Variants in SSUH2 observed in about 807,000 individuals in gnomAD.
The protein encoded by SSUH2 is protein SSUH2 homolog.
SSUH2 carries 47 observed loss-of-function variants against 55.3 expected under a neutral mutation model. The observed-to-expected ratio is 0.85, with a 90% confidence interval of 0.67 to 1.08. SSUH2 has a LOEUF of 1.08. SSUH2 is among the 50% of genes least tolerant of loss of function. The probability of loss-of-function intolerance (pLI) is 0.00; values close to 1 mark genes in which losing one functional copy is unlikely to be tolerated. For synonymous variants in SSUH2, 212 were observed against 191.5 expected (o/e 1.11, Z -0.89); for missense variants, 535 against 490.7 (o/e 1.09, Z -0.85).
At chr3:8,623,436 G>A in intron 11 of SSUH2, 113 bp downstream of exon 11, 4 of 716,254 alleles carry the variant, frequency 5.6e-6, no homozygotes, top group South Asian at 4.7e-5. Flanking sequence ...TCCTCCCCCG[G>A]GACCTCCCTC....
At chr3:8,679,097 T>TC (rs1385213131) in intron 2 of SSUH2, among the ~76,000 whole-genome samples, 6 of 99,028 alleles carry the variant, frequency 6.1e-5, no homozygotes, top group African/African-American at 2.1e-4. Context: ...CAAGCACCTC[T>TC]TTCCCCCCTG....
chr3:8,678,034 T>C (rs62244237), intron 2 of SSUH2, among the ~76,000 whole-genome samples: 58 of 151,984 alleles, frequency 3.8e-4, no homozygotes, highest in Non-Finnish European at 7.9e-4. Flanking sequence ...ATATCGCGTG[T>C]CATATCCTCC....
chr3:8,680,642 A>C (rs748158831), intron 1 of SSUH2, among the ~76,000 whole-genome samples: 5 of 152,028 alleles, frequency 3.3e-5, no homozygotes, highest in Non-Finnish European at 5.9e-5. Context: ...TCTTCCCTCC[A>C]GGATCGTGGG....
chr3:8,647,411 A>G (rs1215473812), upstream of SSUH2, among the ~76,000 whole-genome samples: 2 of 152,224 alleles, frequency 1.3e-5, no homozygotes, highest in Non-Finnish European at 2.9e-5. Flanking sequence ...GATTAAACAA[A>G]GTGGGGTGTG....
Position 8,644,666 on chromosome 3 carries a change from C to G in SSUH2, c.28+65G>C, listed in dbSNP as rs2050616794. 11 of 1,414,054 alleles carry G rather than the reference C, an allele frequency of 7.8e-6. No homozygotes were observed. The South Asian group carries it at 1.2e-4, about 16-fold the overall frequency. The allele number at this position is 1,414,054 out of a possible 1,614,324, so 87.6% of individuals were successfully genotyped here. A position where few individuals can be genotyped will look rare whatever the true frequency, so the allele number is the denominator to read the frequency against. On this transcript the variant is annotated intron_variant, in intron 1 of 11. Coordinates refer to ENST00000544814, the MANE Select transcript of SSUH2 (RefSeq NM_001256748.3). The stretch of plus-strand genomic sequence containing the variant: ...AACATATTAGAGGTCAGATTAGGTC[C>G]TCTTCAAATGCAGGCTAAAATATCT...
chr3:8,666,008 CTTGA>C (rs1170093963), intron 5 of SSUH2, among the ~76,000 whole-genome samples: 1 of 152,148 alleles, frequency 6.6e-6, no homozygotes, highest in Non-Finnish European at 1.5e-5. Context: ...TGAAAGCCCA[CTTGA>C]TTAAGTTGTC....
chr3:8,631,946 A>AG, intron 5 of SSUH2, 103 bp downstream of exon 5: 1 of 891,158 alleles, frequency 1.1e-6, no homozygotes, highest in Non-Finnish European at 1.9e-6. Context: ...CAAGCAGAAG[A>AG]CCATCTTATT....
chr3:8,666,960 C>T (rs968339915), intron 5 of SSUH2, among the ~76,000 whole-genome samples: 8 of 152,204 alleles, frequency 5.3e-5, no homozygotes, highest in East Asian at 3.9e-4. Flanking sequence ...TTGTAGGGTG[C>T]AGAGCTTCCA....
intron 2 of SSUH2, chr3:8,679,589 G>A (rs1559574159): frequency 6.2e-6 from 1 of 161,890 alleles, no homozygotes; most frequent in Non-Finnish European, 1.3e-5. Flanking sequence ...CTGGCTCTTG[G>A]GACCCCCATC....
chr3:8,680,021 G>A (rs1006605574), intron 1 of SSUH2, among the ~76,000 whole-genome samples: 1 of 151,740 alleles, frequency 6.6e-6, no homozygotes, highest in African/African-American at 2.4e-5. Flanking sequence ...ATGAGTTAAG[G>A]GAAAAACTTC....
intron 7 of SSUH2, among the ~76,000 whole-genome samples, chr3:8,652,677 C>A (rs1325666227): frequency 2.0e-5 from 3 of 152,192 alleles, no homozygotes; most frequent in Non-Finnish European, 4.4e-5. Flanking sequence ...CATGTTTTCC[C>A]CTGATATACC....
intron 5 of SSUH2, among the ~76,000 whole-genome samples, chr3:8,667,671 G>C (rs1288925707): frequency 1.3e-5 from 2 of 152,176 alleles, no homozygotes; most frequent in Non-Finnish European, 2.9e-5. Context: ...GATTGATTAA[G>C]CCATTGGCCA....
intron 2 of SSUH2, among the ~76,000 whole-genome samples, chr3:8,678,654 A>AT (rs1256415014): frequency 2.1e-5 from 1 of 48,366 alleles, no homozygotes; most frequent in Non-Finnish European, 4.3e-5. Context: ...CAGTGGGGGG[A>AT]GGCACCCCCC....
chr3:8,636,662 T>C (rs538505132), intron 1 of SSUH2, among the ~76,000 whole-genome samples: 2 of 152,230 alleles, frequency 1.3e-5, no homozygotes, highest in East Asian at 1.9e-4. Flanking sequence ...AGTCTGAGAC[T>C]CCTCCTACTT....
chr3:8,676,970 G>A (rs1311975856), intron 3 of SSUH2, among the ~76,000 whole-genome samples: 4 of 145,514 alleles, frequency 2.7e-5, no homozygotes, highest in East Asian at 2.2e-4. Context: ...CCTGTGAGGC[G>A]GGGACTGAGA....
intron 1 of SSUH2, among the ~76,000 whole-genome samples, chr3:8,639,214 T>C (rs1244510788): frequency 2.6e-5 from 4 of 152,168 alleles, no homozygotes; most frequent in African/African-American, 9.6e-5. Flanking sequence ...ACCAGCCACA[T>C]TGCTGTTCCC....
chr3:8,655,781 C>T (rs546277003), intron 7 of SSUH2, among the ~76,000 whole-genome samples: 2 of 152,322 alleles, frequency 1.3e-5, no homozygotes, highest in Admixed American at 1.3e-4. Context: ...CAGCCCCTCG[C>T]TCTTCTGTTT....
In SSUH2 at chr3:8,635,308, CA is replaced by C. The variant is rs1699735396; in HGVS notation, c.200del (p.Leu67ArgfsTer8). 6.5e-7 allele frequency: 1 copy of C among 1,535,346 alleles called. No individual in the cohort carries two copies. The highest frequency in any genetic ancestry group is 1.2e-5 in the South Asian group (1 of 83,986). ...PQEQRSWPSF[L>X]EHRVPAMTEE... The stretch of plus-strand genomic sequence containing the variant: ...TACAACCTGAAACTCACCTGTGTTC[CA>C]GGAACGAGGGCCAGGACCTTTGCTC... On this transcript the variant is annotated frameshift_variant, in exon 3 of 12. Coordinates refer to ENST00000544814, the MANE Select transcript of SSUH2 (RefSeq NM_001256748.3). LOFTEE classifies it high-confidence loss of function.
chr3:8,681,298 G>A (rs1414905806), intron 1 of SSUH2, among the ~76,000 whole-genome samples: 1 of 147,074 alleles, frequency 6.8e-6, no homozygotes, highest in Non-Finnish European at 1.5e-5. Flanking sequence ...TCCCTCCCTG[G>A]ATCTTTGGAC....
Sources: gnomAD v4.1 joint callset for allele counts (sites outside exome capture counted in the v4.1 genomes callset) on GRCh38, gnomAD v4.1.1 for gene constraint, MANE v1.5 for transcripts, NCBI Gene and HGNC (gene_info 2026-07-23, HGNC 2026-07-21) for gene names.